The following TBC1D31 variants were observed in gnomAD, a reference collection of about 807,000 sequenced individuals.
The protein encoded by TBC1D31 is WD repeat domain 67.
TBC1D31 carries 99 observed loss-of-function variants against 132.9 expected under a neutral mutation model. The observed-to-expected ratio is 0.74, with a 90% CI of 0.63 to 0.88. The LOEUF (loss-of-function observed/expected upper bound fraction) is 0.88. Ranked by LOEUF, TBC1D31 falls within the 40% of genes least tolerant of loss-of-function variation. TBC1D31 has a pLI of 0.00. For missense variants in TBC1D31, 1,134 were observed against 1,256.6 expected, an observed-to-expected ratio of 0.90 and a Z score of 1.48; for synonymous variants, 385 against 419.4, an observed-to-expected ratio of 0.92 and a Z score of 1.00.
intron 4 of TBC1D31, among the ~76,000 whole-genome samples, chr8:123,089,364 C>G (rs1482616904): frequency 1.3e-5 from 2 of 152,164 alleles, no homozygotes; most frequent in African/African-American, 4.8e-5. Context: ...AGTAAAATTG[C>G]ATCTGTTGCA....
intron 2 of TBC1D31, among the ~76,000 whole-genome samples, chr8:123,079,822 G>A (rs181419026): frequency 6.6e-6 from 1 of 151,996 alleles, no homozygotes; most frequent in African/African-American, 2.4e-5. Context: ...CAAGTATATT[G>A]TAAGTTCAGC....
rs1381667785 is a variant in TBC1D31 at position 123,128,489 on chromosome 8, A to G, written c.2093A>G (p.Asp698Gly). The G allele has an allele frequency of 1.2e-6, 2 of 1,607,704 alleles. No individual in the cohort carries two copies. The highest frequency in any genetic ancestry group is 1.7e-5 in the Admixed American group (1 of 60,008). The stretch of plus-strand genomic sequence containing the variant: ...CAGGAACGAGAAAGAATAAGGAATG[A>G]TGAATTGGATTACTTAAGAGAGAGG... ...QTQERERIRN[D>G]ELDYLRERQT... The change falls in exon 14 of 22, where the codon GAT becomes GGT. Residue 698 changes from aspartate (D) to glycine (G), a missense_variant. By Grantham distance (94) the Asp-to-Gly change is moderately conservative. Transcript: ENST00000287380.
intron 11 of TBC1D31, among the ~76,000 whole-genome samples, chr8:123,124,250 T>G (rs1819795444): frequency 6.6e-6 from 1 of 152,228 alleles, no homozygotes; most frequent in African/African-American, 2.4e-5. Flanking sequence ...AAAAGTCACA[T>G]CTACATATAA....
At chr8:123,093,226 G>C (rs1816519792) in intron 4 of TBC1D31, among the ~76,000 whole-genome samples, 1 of 152,088 alleles carries the variant, frequency 6.6e-6, no homozygotes, top group South Asian at 2.1e-4. Flanking sequence ...TGGGATTACA[G>C]GTGTGAGCCA....
intron 20 of TBC1D31, among the ~76,000 whole-genome samples, chr8:123,146,660 A>G (rs1023582165): frequency 2.0e-5 from 3 of 152,150 alleles, no homozygotes; most frequent in Non-Finnish European, 2.9e-5. Flanking sequence ...GAGTGAAAAT[A>G]TAGGTTAGGT....
chr8:123,073,769 T>A (rs536704021), intron 1 of TBC1D31, among the ~76,000 whole-genome samples: 1 of 152,096 alleles, frequency 6.6e-6, no homozygotes, highest in African/African-American at 2.4e-5. Context: ...CACTGCATCC[T>A]CCACCTCCCG....
chr8:123,122,928 A>G (rs13271600), intron 11 of TBC1D31, among the ~76,000 whole-genome samples: 24,045 of 152,126 alleles, frequency 0.16, 2,057 homozygotes, highest in Admixed American at 0.23. Flanking sequence ...AGGGTCTCAA[A>G]GTAGTTTTAC....
chr8:123,121,209 C>T (rs1241459281), intron 11 of TBC1D31, among the ~76,000 whole-genome samples: 6 of 152,142 alleles, frequency 3.9e-5, no homozygotes, highest in African/African-American at 7.2e-5. Context: ...CCGCCCACCT[C>T]GGCCTCCCAA....
At chr8:123,090,931 ACT>A (rs1816253530) in intron 4 of TBC1D31, among the ~76,000 whole-genome samples, 2 of 151,980 alleles carry the variant, frequency 1.3e-5, no homozygotes, top group South Asian at 2.1e-4. Flanking sequence ...CAGAGGGAAG[ACT>A]CTGTCTCAAA....
chr8:123,142,221 G>A (rs1473298403), intron 18 of TBC1D31, 41 bp from the exon 19 acceptor site: 1 of 1,445,598 alleles, frequency 6.9e-7, no homozygotes, highest in Non-Finnish European at 9.3e-7. Flanking sequence ...TTATGTACTA[G>A]TAGTTTGACC....
At chr8:123,146,033 G>C (rs1192584022) in intron 20 of TBC1D31, among the ~76,000 whole-genome samples, 1 of 151,848 alleles carries the variant, frequency 6.6e-6, no homozygotes, top group Admixed American at 6.6e-5. Flanking sequence ...ACCATGCCTG[G>C]CTAATTGTTT....
At chr8:123,123,314 A>G (rs534126944) in intron 11 of TBC1D31, 1 of 160,000 alleles carries the variant, frequency 6.3e-6, no homozygotes, top group South Asian at 2.0e-4. Context: ...AAGTTTCATC[A>G]TGAAAGAAAT....
chr8:123,087,686 A>G (rs1815902966), intron 4 of TBC1D31, among the ~76,000 whole-genome samples: 2 of 152,264 alleles, frequency 1.3e-5, no homozygotes, highest in African/African-American at 4.8e-5. Flanking sequence ...TTACTATGAA[A>G]TTAAAATGAG....
At chr8:123,097,504 T>C in intron 6 of TBC1D31, 63 bp downstream of exon 6, 1 of 1,476,150 alleles carries the variant, frequency 6.8e-7, no homozygotes, top group Non-Finnish European at 9.2e-7. Flanking sequence ...CTCTGAACTA[T>C]ATTAGCTCTT....
intron 3 of TBC1D31, 125 bp downstream of exon 3, chr8:123,082,942 G>C (rs914506534): frequency 2.6e-4 from 163 of 632,998 alleles, no homozygotes; most frequent in Non-Finnish European, 2.2e-5. Context: ...TCAGACACTA[G>C]GTGCAAGCTG....
intron 15 of TBC1D31, among the ~76,000 whole-genome samples, 191 bp downstream of exon 15, chr8:123,129,409 G>C (rs1376766923): frequency 6.6e-6 from 1 of 152,170 alleles, no homozygotes; most frequent in Non-Finnish European, 1.5e-5. Context: ...TTGCTATGTA[G>C]TAAAATGTAA....
intron 2 of TBC1D31, among the ~76,000 whole-genome samples, chr8:123,078,300 A>C (rs1220367660): frequency 6.6e-6 from 1 of 152,304 alleles, no homozygotes. Flanking sequence ...ATGAGGGCCA[A>C]GTTTCTCACT....
intron 21 of TBC1D31, 146 bp downstream of exon 21, chr8:123,150,274 G>A: frequency 1.6e-6 from 1 of 632,448 alleles, no homozygotes; most frequent in Non-Finnish European, 2.8e-6. Context: ...GAGGCAGCAA[G>A]ATTCTCTCAG....
chr8:123,136,398 A>G (rs1027267554), intron 17 of TBC1D31, among the ~76,000 whole-genome samples: 1 of 152,172 alleles, frequency 6.6e-6, no homozygotes, highest in Non-Finnish European at 1.5e-5. Flanking sequence ...TTTCTTCATG[A>G]GAAGATTTAA....
Sources: allele counts gnomAD v4.1 joint callset (sites outside exome capture counted in the v4.1 genomes callset), GRCh38; gene constraint gnomAD v4.1.1; transcripts MANE v1.5; gene names NCBI Gene and HGNC (gene_info 2026-07-23, HGNC 2026-07-21).